Variants in ADPRM observed in about 807,000 individuals in gnomAD.
The protein encoded by ADPRM is manganese-dependent ADP-ribose/CDP-alcohol diphosphatase.
ADPRM carries 17 observed loss-of-function variants against 27.2 expected under a neutral mutation model. That is an observed-to-expected ratio of 0.63 (90% CI 0.43 to 0.94). The LOEUF (loss-of-function observed/expected upper bound fraction) is 0.94. ADPRM is among the 40% of genes least tolerant of loss of function. The probability of loss-of-function intolerance (pLI) is 0.00; values close to 1 mark genes in which losing one functional copy is unlikely to be tolerated. For synonymous variants in ADPRM, 135 were observed against 145.3 expected (o/e 0.93, Z 0.51); for missense variants, 337 against 412.8 (o/e 0.82, Z 1.59).
chr17:10,697,667 G>A lies in ADPRM; in HGVS notation c.-18G>A, dbSNP rs914307402. 29 of 895,814 alleles carry A rather than the reference G, an allele frequency of 3.2e-5. No individual in the cohort carries two copies. Among genetic ancestry groups the A allele is most frequent in the Non-Finnish European group, 4.2e-5 (24 of 566,754 alleles). 55.5% of individuals were successfully genotyped at this position (895,814 alleles called of 1,614,324 possible). A position where few individuals can be genotyped will look rare whatever the true frequency, so the allele number is the denominator to read the frequency against. On this transcript the variant is annotated splice_region_variant and 5_prime_UTR_variant, in exon 1 of 4. Coordinates refer to ENST00000379774, the MANE Select transcript of ADPRM (RefSeq NM_020233.5). Reference sequence around the variant, plus strand: ...CCTTTCAGCCCAGGGGCCGGCGCACGGTAGGTAGTTCCCTGCGGCTGGAGG... The same window carrying A: ...CCTTTCAGCCCAGGGGCCGGCGCACAGTAGGTAGTTCCCTGCGGCTGGAGG...
chr17:10,699,947 G>A (rs1395316025), intron 1 of ADPRM, among the ~76,000 whole-genome samples: 7 of 152,140 alleles, frequency 4.6e-5, no homozygotes, highest in Admixed American at 3.3e-4. Context: ...GGTTTGACTG[G>A]GGACAGCTAG....
rs117722132 is a variant in ADPRM at position 10,703,263 on chromosome 17, C to T, written c.-17-1647C>T. On this transcript the variant is annotated intron_variant, in intron 1 of 3. Transcript: ENST00000379774. ...TGTCCTGTAATTGTATTGAAGTTAC[C>T]CACTTTTCAAATCAGATTACCTCTC... Among the ~76,000 whole-genome samples, 1,247 of 151,920 alleles carry T rather than the reference C, an allele frequency of 8.2e-3. 9 individuals carry two copies. Among genetic ancestry groups the T allele is most frequent in the Middle Eastern group, 0.01 (3 of 292 alleles).
In ADPRM at chr17:10,711,048, A is replaced by G. The variant is rs1199664643; in HGVS notation, c.933A>G (p.Thr311=). 1.2e-6 allele frequency: 2 copies of G among 1,614,222 alleles called. No homozygotes were observed. The change falls in exon 4 of 4, where the codon ACA becomes ACG. Residue 311 remains threonine (T), a synonymous_variant. Transcript: ENST00000379774. The part of the protein sequence containing the change: ...ETAPDSQAFG[T]VHVYPDKMML... The stretch of plus-strand genomic sequence containing the variant: ...CTCCAGACAGCCAAGCCTTTGGCAC[A>G]GTTCATGTCTATCCTGACAAAATGA...
At chr17:10,706,044 G>A (rs1389954687) in intron 2 of ADPRM, 1 of 197,188 alleles carries the variant, frequency 5.1e-6, no homozygotes, top group Non-Finnish European at 1.0e-5. Context: ...AATGGGCATA[G>A]GGAGTTAGCA....
At position 10,705,255 on chromosome 17, in the gene ADPRM, A is replaced by G; in HGVS notation, c.329A>G (p.Asn110Ser). The change falls in exon 2 of 4, where the codon AAC becomes AGC. Residue 110 changes from asparagine (N) to serine (S), a missense_variant. Transcript: ENST00000379774. This position sits in a 1 kb window ranked among gnomAD's most constrained non-coding sequence, Gnocchi z 5.4. Reference protein sequence around the residue: ...LKVPVHHTWGNHEFYNFSREY... With the variant: ...LKVPVHHTWGSHEFYNFSREY... ...GTTCCAGTTCATCATACATGGGGAA[A>G]CCATGAATTCTATAACTTCAGTAGA... The G allele has an allele frequency of 1.2e-6, 2 of 1,614,124 alleles. No individual in the cohort carries two copies. The highest frequency in any genetic ancestry group is 2.2e-5 in the South Asian group (2 of 91,080).
In ADPRM at chr17:10,705,090, C is replaced by T; in HGVS notation, c.164C>T (p.Ala55Val). 6.2e-7 allele frequency: 1 copy of T among 1,614,118 alleles called. No individual in the cohort carries two copies. The highest frequency in any genetic ancestry group is 8.5e-7 in the Non-Finnish European group (1 of 1,180,026). The change falls in exon 2 of 4, where the codon GCC (alanine) becomes GTC (valine). Residue 55 changes from alanine to valine, a missense_variant. Coordinates refer to ENST00000379774, the MANE Select transcript of ADPRM (RefSeq NM_020233.5). This position sits in a 1 kb window ranked among gnomAD's most constrained non-coding sequence, Gnocchi z 5.4. ...YRHSLLHLQG[A>V]IEDWNNESSM... ...CATAGTCTTCTTCACTTACAGGGTG[C>T]CATTGAAGACTGGAATAATGAAAGC...
chr17:10,708,684 G>GA (rs1332237327), intron 3 of ADPRM, among the ~76,000 whole-genome samples: 1 of 152,150 alleles, frequency 6.6e-6, no homozygotes, highest in Non-Finnish European at 1.5e-5. Context: ...AGTGGTCTCA[G>GA]AAACTAGGAT....
rs906569408 is a variant in ADPRM at position 10,697,796 on chromosome 17, G to T, written c.-18+129G>T. 2.4e-5 allele frequency: 9 copies of T among 376,312 alleles called. No individual in the cohort carries two copies. The Admixed American group carries it at 5.0e-4, about 21-fold the overall frequency. The allele number at this position is 376,312 out of a possible 1,614,324, so 23.3% of individuals were successfully genotyped here. A position where few individuals can be genotyped will look rare whatever the true frequency, so the allele number is the denominator to read the frequency against. ...AGGTGCGCGGCTGGGCCGAGGCAAG[G>T]CGGCCCCAAGCGCTGGGGGCCCCCG... On this transcript the variant is annotated intron_variant, in intron 1 of 3. Coordinates refer to ENST00000379774, the MANE Select transcript of ADPRM (RefSeq NM_020233.5).
chr17:10,701,730 G>A (rs2074780551), intron 1 of ADPRM, among the ~76,000 whole-genome samples: 1 of 152,136 alleles, frequency 6.6e-6, no homozygotes, highest in South Asian at 2.1e-4. Flanking sequence ...TTTTTTGTGT[G>A]TCTGTATTTG....
rs756036026 is a variant in ADPRM, at chr17:10,705,247, A to T, written c.321A>T (p.Thr107=). 3.1e-6 allele frequency: 5 copies of T among 1,614,156 alleles called. No individual in the cohort carries two copies. The highest frequency in any genetic ancestry group is 2.5e-6 in the Non-Finnish European group (3 of 1,180,012). ...FKRLKVPVHH[T]WGNHEFYNFS... is the part of the protein sequence containing the mutation. ...GGCTTAAAGTTCCAGTTCATCATAC[A>T]TGGGGAAACCATGAATTCTATAACT... Residue 107 remains threonine, a synonymous_variant, in exon 2 of 4, where the codon ACA becomes ACT. Transcript: ENST00000379774. The surrounding 1 kb of genome is among the most constrained non-coding windows in gnomAD (Gnocchi z 5.4).
At position 10,705,828 on chromosome 17, in the gene ADPRM, TG is replaced by T. The variant is rs1426847713; in HGVS notation, c.601+304del. On this transcript the variant is annotated intron_variant, in intron 2 of 3. Coordinates refer to ENST00000379774, the MANE Select transcript of ADPRM (RefSeq NM_020233.5). This position sits in a 1 kb window ranked among gnomAD's most constrained non-coding sequence, Gnocchi z 5.4. ...GAATGGAGGGAACAAACACAGTACG[TG>T]GGCAAGACAGATGATAAATGAAACA... 1.1e-5 allele frequency: 4 copies of T among 370,104 alleles called. No homozygotes were observed. The highest frequency in any genetic ancestry group is 8.2e-5 in the African/African-American group (4 of 48,918). The allele number at this position is 370,104 out of a possible 1,614,324, so 22.9% of individuals were successfully genotyped here. A position where few individuals can be genotyped will look rare whatever the true frequency, so the allele number is the denominator to read the frequency against.
chr17:10,708,159 G>A lies in ADPRM; in HGVS notation c.718+1605G>A, dbSNP rs374574162. 4.6e-5 allele frequency among the ~76,000 whole-genome samples: 7 copies of A among 152,012 alleles called. No individual in the cohort carries two copies. The South Asian group carries it at 6.2e-4, about 14-fold the overall frequency. ...GAATATGAAACCCCTGGCCAAGCAC[G>A]GTGACTCACGCCCGTAATCCCAGCA... On this transcript the variant is annotated intron_variant, in intron 3 of 3. Coordinates refer to ENST00000379774, the MANE Select transcript of ADPRM (RefSeq NM_020233.5).
intron 3 of ADPRM, among the ~76,000 whole-genome samples, chr17:10,708,489 TA>T (rs2074829836): frequency 6.7e-6 from 1 of 149,752 alleles, no homozygotes; most frequent in Admixed American, 6.6e-5. Context: ...GTTGATTATA[TA>T]AAACTATATT....
Position 10,705,093 on chromosome 17 carries a change from T to G in ADPRM, c.167T>G (p.Ile56Ser). 6.2e-7 allele frequency: 1 copy of G among 1,614,178 alleles called. No homozygotes were observed. The highest frequency in any genetic ancestry group is 8.5e-7 in the Non-Finnish European group (1 of 1,180,028). The part of the protein sequence containing the change: ...RHSLLHLQGA[I>S]EDWNNESSMP... The stretch of plus-strand genomic sequence containing the variant: ...AGTCTTCTTCACTTACAGGGTGCCA[T>G]TGAAGACTGGAATAATGAAAGCAGC... Residue 56 changes from isoleucine (I) to serine (S), a missense_variant, in exon 2 of 4, where the codon ATT becomes AGT. Coordinates refer to ENST00000379774, the MANE Select transcript of ADPRM (RefSeq NM_020233.5). This position sits in a 1 kb window ranked among gnomAD's most constrained non-coding sequence, Gnocchi z 5.4.
intron 1 of ADPRM, among the ~76,000 whole-genome samples, chr17:10,699,866 A>G (rs2074765301): frequency 6.6e-6 from 1 of 152,160 alleles, no homozygotes; most frequent in Non-Finnish European, 1.5e-5. Flanking sequence ...GAAGCAGGGC[A>G]TGGATTAGTA....
At chr17:10,709,348 G>T (rs528717544) in intron 3 of ADPRM, among the ~76,000 whole-genome samples, 1 of 152,162 alleles carries the variant, frequency 6.6e-6, no homozygotes, top group African/African-American at 2.4e-5. Flanking sequence ...GATAATAAAC[G>T]TGGAAGTTGA....
chr17:10,705,810 G>A lies in ADPRM; in HGVS notation c.601+283G>A. On this transcript the variant is annotated intron_variant, in intron 2 of 3. Transcript: ENST00000379774. This position sits in a 1 kb window ranked among gnomAD's most constrained non-coding sequence, Gnocchi z 5.4. ...TTACTTTTTTGATGGATGGAATGGA[G>A]GGAACAAACACAGTACGTGGGCAAG... is the stretch of plus-strand genomic sequence containing the variant. 4.7e-6 allele frequency: 2 copies of A among 428,386 alleles called. No homozygotes were observed. The highest frequency in any genetic ancestry group is 8.5e-6 in the Non-Finnish European group (2 of 234,150). The allele number at this position is 428,386 out of a possible 1,614,324, so 26.5% of individuals were successfully genotyped here.
At chr17:10,706,108 T>C (rs541935906) in intron 2 of ADPRM, among the ~76,000 whole-genome samples, 7 of 152,224 alleles carry the variant, frequency 4.6e-5, no homozygotes, top group East Asian at 1.9e-4. Context: ...TGAGCATTGT[T>C]GAAGAGCACA....
Position 10,702,569 on chromosome 17 carries a change from T to C in ADPRM, c.-17-2341T>C, listed in dbSNP as rs2074786112. On this transcript the variant is annotated intron_variant, in intron 1 of 3. Coordinates refer to ENST00000379774, the MANE Select transcript of ADPRM (RefSeq NM_020233.5). The surrounding 1 kb of genome is among the most constrained non-coding windows in gnomAD (Gnocchi z 4.2). ...GTTTCTTTCTATGTTGGATTTCTTG[T>C]CAGTTCATTTTCTCCAAAAATTGAA... Among the ~76,000 whole-genome samples the C allele has an allele frequency of 6.6e-6, 1 of 152,246 alleles. No homozygotes were observed. Among genetic ancestry groups the C allele is most frequent in the Admixed American group, 6.5e-5 (1 of 15,290 alleles).
Sources: gnomAD v4.1 joint callset for allele counts (sites outside exome capture counted in the v4.1 genomes callset) on GRCh38, gnomAD v4.1.1 for gene constraint, Gnocchi (gnomAD v3.1) non-coding constraint, MANE v1.5 for transcripts, NCBI Gene and HGNC (gene_info 2026-07-23, HGNC 2026-07-21) for gene names.